SH3RF3: variants seen among roughly 807,000 people sequenced by gnomAD.
SH3RF3 encodes the protein E3 ubiquitin-protein ligase SH3RF3.
SH3RF3 carries 29 observed loss-of-function variants against 66.3 expected under a neutral mutation model. That is an observed-to-expected ratio of 0.44 (90% confidence interval 0.33 to 0.60). The LOEUF (loss-of-function observed/expected upper bound fraction) is 0.60, where lower values mean the gene tolerates loss of function less well. Ranked by LOEUF, SH3RF3 falls within the 20% of genes least tolerant of loss-of-function variation. The probability of loss-of-function intolerance (pLI) is 0.04; values close to 1 mark genes in which losing one functional copy is unlikely to be tolerated. For synonymous variants in SH3RF3, 583 were observed against 532.0 expected (o/e 1.10, Z -1.32); for missense variants, 1,194 against 1,190.9 (o/e 1.00, Z -0.04).
chr2:109,132,264 G>C (rs1470234979), intron 1 of SH3RF3, among the ~76,000 whole-genome samples: 1 of 152,080 alleles, frequency 6.6e-6, no homozygotes, highest in Non-Finnish European at 1.5e-5. Context: ...TACTTTTTAG[G>C]TATATAGGTA....
intron 4 of SH3RF3, among the ~76,000 whole-genome samples, chr2:109,400,868 G>T (rs924727128): frequency 7.2e-5 from 11 of 152,226 alleles, no homozygotes; most frequent in Admixed American, 7.2e-4. Flanking sequence ...ATTCCCCAGA[G>T]AACAGCCATT....
intron 8 of SH3RF3, among the ~76,000 whole-genome samples, chr2:109,463,817 C>T (rs1345653947): frequency 2.0e-5 from 3 of 152,182 alleles, no homozygotes; most frequent in Non-Finnish European, 4.4e-5. Flanking sequence ...AGGGAATTGT[C>T]CCTCAGTGGA....
intron 1 of SH3RF3, among the ~76,000 whole-genome samples, chr2:109,297,874 C>A (rs1013263906): frequency 6.6e-6 from 1 of 152,052 alleles, no homozygotes; most frequent in Non-Finnish European, 1.5e-5. Flanking sequence ...CAGGCCAATA[C>A]CCTCCACATG....
chr2:109,189,136 C>T lies in SH3RF3; in HGVS notation c.573+59023C>T, dbSNP rs534194161. On this transcript the variant is annotated intron_variant, in intron 1 of 9. Coordinates refer to ENST00000309415, the MANE Select transcript of SH3RF3 (RefSeq NM_001099289.3). The stretch of plus-strand genomic sequence containing the variant: ...ACTGCCTTGCTAGCAGAGGCTTCCC[C>T]AGGCTGTGACCTCGCTGACAGTGTT... Among the ~76,000 whole-genome samples the T allele has an allele frequency of 2.6e-5, 4 of 152,136 alleles. No homozygotes were observed. In the East Asian group the frequency reaches 7.8e-4, roughly 30 times the overall value.
At chr2:109,252,204 C>T (rs1407993491) in intron 1 of SH3RF3, among the ~76,000 whole-genome samples, 2 of 150,816 alleles carry the variant, frequency 1.3e-5, no homozygotes, top group Non-Finnish European at 2.9e-5. Flanking sequence ...ACCAAGATTG[C>T]ACCACTGCGC....
intron 8 of SH3RF3, among the ~76,000 whole-genome samples, chr2:109,453,443 T>C (rs1406956838): frequency 6.6e-6 from 1 of 152,248 alleles, no homozygotes; most frequent in Non-Finnish European, 1.5e-5. Context: ...GTGACAGTTT[T>C]CTGGTTTTGA....
chr2:109,351,007 A>G (rs1053341300), intron 2 of SH3RF3, among the ~76,000 whole-genome samples: 1 of 152,278 alleles, frequency 6.6e-6, no homozygotes, highest in Non-Finnish European at 1.5e-5. Flanking sequence ...TAGTCCTGTT[A>G]AAGTGGCATT....
At chr2:109,285,291 C>T (rs62152179) in intron 1 of SH3RF3, among the ~76,000 whole-genome samples, 52,130 of 152,144 alleles carry the variant, frequency 0.34, 9,097 homozygotes, top group South Asian at 0.41. Context: ...CACACCTCCT[C>T]ATAACCTCCT....
chr2:109,304,415 A>C (rs569105418), intron 1 of SH3RF3, among the ~76,000 whole-genome samples: 2 of 152,248 alleles, frequency 1.3e-5, no homozygotes, highest in South Asian at 4.1e-4. Context: ...ACAAATGACA[A>C]GACTTCCTTC....
intron 8 of SH3RF3, among the ~76,000 whole-genome samples, chr2:109,478,517 G>A (rs1380882569): frequency 6.6e-6 from 1 of 152,154 alleles, no homozygotes; most frequent in Non-Finnish European, 1.5e-5. Flanking sequence ...ATGTACTGAG[G>A]TTCAGTCCTT....
At chr2:109,370,768 C>T (rs1198728474) in intron 2 of SH3RF3, among the ~76,000 whole-genome samples, 1 of 152,200 alleles carries the variant, frequency 6.6e-6, no homozygotes, top group East Asian at 1.9e-4. Context: ...TTCCTCCTTG[C>T]TGCCTGCCTC....
intron 1 of SH3RF3, among the ~76,000 whole-genome samples, chr2:109,156,345 C>G (rs903004726): frequency 2.0e-5 from 3 of 152,192 alleles, no homozygotes; most frequent in Non-Finnish European, 4.4e-5. Context: ...TGCTTTCTCT[C>G]CTAGATGGTG....
intron 1 of SH3RF3, among the ~76,000 whole-genome samples, chr2:109,146,906 C>A: frequency 9.0e-6 from 1 of 110,714 alleles, no homozygotes; most frequent in African/African-American, 3.4e-5. Flanking sequence ...CCCCCCGCCC[C>A]AATATCCTAT....
chr2:109,129,588 T>C lies in SH3RF3; in HGVS notation c.48T>C (p.Ala16=). The change falls in exon 1 of 10, where the codon GCT becomes GCC. Residue 16 remains alanine (A), a synonymous_variant. Transcript: ENST00000309415. ...SWLCASKAAA[A]AAQSEGDEDR... Reference sequence around the variant, plus strand: ...TGTGCGCATCCAAGGCGGCCGCCGCTGCTGCGCAGAGCGAGGGCGACGAGG... The same window carrying C: ...TGTGCGCATCCAAGGCGGCCGCCGCCGCTGCGCAGAGCGAGGGCGACGAGG... The C allele has an allele frequency of 6.7e-7, 1 of 1,484,642 alleles. No homozygotes were observed. The highest frequency in any genetic ancestry group is 1.3e-5 in the South Asian group (1 of 77,656). The allele number at this position is 1,484,642 out of a possible 1,614,324, so 92.0% of individuals were successfully genotyped here.
chr2:109,285,368 T>C (rs1681008681), intron 1 of SH3RF3, among the ~76,000 whole-genome samples: 1 of 152,232 alleles, frequency 6.6e-6, no homozygotes, highest in South Asian at 2.1e-4. Context: ...TAGCATGCCT[T>C]TCCACGGCCA....
chr2:109,386,927 A>G (rs1288982729), intron 3 of SH3RF3, among the ~76,000 whole-genome samples: 1 of 152,226 alleles, frequency 6.6e-6, no homozygotes, highest in African/African-American at 2.4e-5. Flanking sequence ...CCATAGGTCG[A>G]TGGAGACTCC....
intron 1 of SH3RF3, among the ~76,000 whole-genome samples, chr2:109,212,706 T>A (rs1679016859): frequency 6.6e-6 from 1 of 152,192 alleles, no homozygotes; most frequent in African/African-American, 2.4e-5. Flanking sequence ...CAGAACTAAT[T>A]GTTGTATAAT....
intron 2 of SH3RF3, among the ~76,000 whole-genome samples, chr2:109,371,171 C>G (rs567321467): frequency 6.6e-6 from 1 of 152,298 alleles, no homozygotes; most frequent in South Asian, 2.1e-4. Flanking sequence ...GGCAGATTGC[C>G]TGAGCTCAGG....
At chr2:109,270,155 G>A (rs1319958377) in intron 1 of SH3RF3, among the ~76,000 whole-genome samples, 1 of 152,210 alleles carries the variant, frequency 6.6e-6, no homozygotes, top group Non-Finnish European at 1.5e-5. Context: ...ACCTGGGGGT[G>A]TTGGAGGAGT....
Sources: gnomAD v4.1 joint callset for allele counts (sites outside exome capture counted in the v4.1 genomes callset) on GRCh38, gnomAD v4.1.1 for gene constraint, MANE v1.5 for transcripts, NCBI Gene and HGNC (gene_info 2026-07-23, HGNC 2026-07-21) for gene names.